Variants in KCNIP4 observed in about 807,000 individuals in gnomAD.
The protein encoded by KCNIP4 is potassium voltage-gated channel interacting protein 4, also known as Kv channel-interacting protein 4.
In KCNIP4, 12 loss-of-function variants were observed where a neutral mutation model predicts 34.0. The ratio of observed to expected loss-of-function variants is 0.35; its 90% CI spans 0.23 to 0.57. KCNIP4 has a LOEUF of 0.57. KCNIP4 is among the 20% of genes least tolerant of loss of function. The probability of loss-of-function intolerance (pLI) is 0.83; values close to 1 mark genes in which losing one functional copy is unlikely to be tolerated. For missense variants in KCNIP4, 238 were observed against 311.7 expected, an observed-to-expected ratio of 0.76 and a Z score of 1.78; for synonymous variants, 124 against 102.2, an observed-to-expected ratio of 1.21 and a Z score of -1.29.
chr4:21,281,056 C>G (rs1762743048), intron 1 of KCNIP4, among the ~76,000 whole-genome samples: 1 of 149,676 alleles, frequency 6.7e-6, no homozygotes, highest in South Asian at 2.1e-4. Flanking sequence ...TTTAAATGAT[C>G]TATTTTTAAC....
intron 3 of KCNIP4, among the ~76,000 whole-genome samples, chr4:20,798,805 T>G (rs1161472783): frequency 6.6e-6 from 1 of 152,140 alleles, no homozygotes; most frequent in Non-Finnish European, 1.5e-5. Flanking sequence ...CCTGCAGCCT[T>G]TGTTATCAGA....
rs74411737 is a variant in KCNIP4, at chr4:20,882,291, C to G, written c.163+317G>C. Among the ~76,000 whole-genome samples the G allele has an allele frequency of 8.9e-4, 135 of 152,286 alleles. 1 individual carries two copies. The highest frequency in any genetic ancestry group is 3.1e-3 in the African/African-American group (128 of 41,576). On this transcript the variant is annotated intron_variant, in intron 2 of 8. Transcript: ENST00000382152. ...CAAGGTCATATGTTAAAGTGTCCAG[C>G]TGCTCTGCTAACAAGGCAAGCAATA...
intron 1 of KCNIP4, among the ~76,000 whole-genome samples, chr4:21,042,258 C>T (rs534408437): frequency 6.6e-6 from 1 of 152,282 alleles, no homozygotes; most frequent in East Asian, 1.9e-4. Context: ...CAGCACTACT[C>T]ACAATAGCTA....
intron 1 of KCNIP4, among the ~76,000 whole-genome samples, chr4:21,748,051 T>G (rs1396957564): frequency 2.6e-5 from 4 of 152,128 alleles, no homozygotes; most frequent in African/African-American, 4.8e-5. Flanking sequence ...CCCTGCTGAC[T>G]CTTGACTTTG....
Position 21,892,550 on chromosome 4 carries a change from TAA to T in KCNIP4, c.61+56019_61+56020del, listed in dbSNP as rs35105632. ...AAAAAAAAAAGCAAAAGCAAAAAAG[TAA>T]AAAAAAAAAAAAAAAACTATTGATT... On this transcript the variant is annotated intron_variant, in intron 1 of 8. Coordinates refer to ENST00000382152, the MANE Select transcript of KCNIP4 (RefSeq NM_025221.6). 2.5e-3 allele frequency among the ~76,000 whole-genome samples: 310 copies of T among 126,374 alleles called. No individual in the cohort carries two copies. The East Asian group carries it at 0.032, about 13-fold the overall frequency. The allele number at this position is 126,374 out of a possible 152,430, so 82.9% of individuals were successfully genotyped here.
At chr4:20,749,485 T>C (rs1753182471) in intron 5 of KCNIP4, among the ~76,000 whole-genome samples, 177 bp downstream of exon 5, 1 of 152,184 alleles carries the variant, frequency 6.6e-6, no homozygotes, top group South Asian at 2.1e-4. Context: ...AAACTGAATG[T>C]GGCTTGCAAT....
chr4:21,921,982 CCACCTACCT>C (rs1728964038), intron 1 of KCNIP4, among the ~76,000 whole-genome samples: 1 of 152,266 alleles, frequency 6.6e-6, no homozygotes, highest in South Asian at 2.1e-4. Context: ...GATCCGGCTC[CCACCTACCT>C]CACTGACTCA....
intron 1 of KCNIP4, among the ~76,000 whole-genome samples, chr4:21,093,640 C>T (rs1747193733): frequency 1.3e-5 from 2 of 151,906 alleles, no homozygotes; most frequent in Admixed American, 1.3e-4. Flanking sequence ...TTAGAGATAC[C>T]GAGTTACAGA....
chr4:21,104,900 G>C lies in KCNIP4; in HGVS notation c.62-222191C>G, dbSNP rs914894662. Reference sequence around the variant, plus strand: ...TGTCAGGTTTGTCAAAGATCAGATGGTTGTAGATGTGTGGTATTCTTTCTG... The same window carrying C: ...TGTCAGGTTTGTCAAAGATCAGATGCTTGTAGATGTGTGGTATTCTTTCTG... On this transcript the variant is annotated intron_variant, in intron 1 of 8. Coordinates refer to ENST00000382152, the MANE Select transcript of KCNIP4 (RefSeq NM_025221.6). Among the ~76,000 whole-genome samples the C allele has an allele frequency of 3.3e-4, 50 of 151,668 alleles. 1 individual carries two copies. The highest frequency in any genetic ancestry group is 6.8e-3 in the Middle Eastern group (2 of 294).
chr4:21,387,435 C>T (rs1011386713), intron 1 of KCNIP4, among the ~76,000 whole-genome samples: 40 of 152,146 alleles, frequency 2.6e-4, no homozygotes, highest in African/African-American at 9.7e-4. Flanking sequence ...TCCTAAAATA[C>T]ACTTGGTTAC....
At chr4:21,651,437 T>C (rs1401678862) in intron 1 of KCNIP4, among the ~76,000 whole-genome samples, 3 of 152,188 alleles carry the variant, frequency 2.0e-5, no homozygotes, top group Admixed American at 6.5e-5. Flanking sequence ...AGAAATGGCA[T>C]TGTTAATACT....
At chr4:20,862,528 A>T (rs1722312985) in intron 2 of KCNIP4, among the ~76,000 whole-genome samples, 1 of 152,170 alleles carries the variant, frequency 6.6e-6, no homozygotes, top group Admixed American at 6.6e-5. Context: ...AAAAATTTTA[A>T]AAAGCAATGG....
intron 1 of KCNIP4, chr4:21,848,369 C>T (rs1047335741): frequency 2.6e-5 from 4 of 152,076 alleles, no homozygotes; most frequent in African/African-American, 9.7e-5. Flanking sequence ...AATTCTGGCT[C>T]CGTCGCTCAC....
chr4:21,018,114 T>G (rs942316690), intron 1 of KCNIP4, among the ~76,000 whole-genome samples: 4 of 152,220 alleles, frequency 2.6e-5, no homozygotes, highest in African/African-American at 9.6e-5. Flanking sequence ...GACTACTTTC[T>G]TGAATTATCC....
chr4:21,528,993 A>C (rs1375869538), intron 1 of KCNIP4, among the ~76,000 whole-genome samples: 1 of 151,962 alleles, frequency 6.6e-6, no homozygotes, highest in Non-Finnish European at 1.5e-5. Flanking sequence ...ATTTCTGCAA[A>C]AGTTTTGCTG....
At chr4:20,783,680 C>A (rs1023438695) in intron 3 of KCNIP4, among the ~76,000 whole-genome samples, 114 of 152,088 alleles carry the variant, frequency 7.5e-4, no homozygotes, top group African/African-American at 2.6e-3. Flanking sequence ...AGACACAGAG[C>A]CATAGAATAT....
intron 1 of KCNIP4, among the ~76,000 whole-genome samples, chr4:21,387,560 A>G (rs1722141055): frequency 6.6e-6 from 1 of 152,170 alleles, no homozygotes. Flanking sequence ...ATACCTTAAA[A>G]ACTTTTCCAT....
chr4:21,265,117 T>C (rs910743854), intron 1 of KCNIP4, among the ~76,000 whole-genome samples: 3 of 151,194 alleles, frequency 2.0e-5, no homozygotes, highest in African/African-American at 4.9e-5. Flanking sequence ...ATAATAATAA[T>C]AATAACAACA....
intron 1 of KCNIP4, among the ~76,000 whole-genome samples, chr4:21,862,477 G>A (rs1301175917): frequency 6.6e-6 from 1 of 152,138 alleles, no homozygotes; most frequent in Non-Finnish European, 1.5e-5. Flanking sequence ...CTGCCACAAA[G>A]ATAAAAAGGC....
Sources: gnomAD v4.1 joint callset for allele counts (sites outside exome capture counted in the v4.1 genomes callset) on GRCh38, gnomAD v4.1.1 for gene constraint, MANE v1.5 for transcripts, NCBI Gene and HGNC (gene_info 2026-07-23, HGNC 2026-07-21) for gene names.